Variants in STRADB observed in about 807,000 individuals in gnomAD.
STRADB encodes the protein STE20-related kinase adapter protein beta.
A neutral mutation model predicts 52.1 loss-of-function variants in STRADB; 34 were observed. The ratio of observed to expected loss-of-function variants is 0.65; its 90% CI spans 0.50 to 0.87. The LOEUF (loss-of-function observed/expected upper bound fraction) is 0.87. STRADB is among the 40% of genes least tolerant of loss of function. The pLI is 0.00. For missense variants in STRADB, 340 were observed against 483.9 expected (o/e 0.70, Z 2.79); for synonymous variants, 133 against 174.5 (o/e 0.76, Z 1.87).
Position 201,480,831 on chromosome 2 carries a change from A to G in STRADB, c.*656A>G. 6 of 985,652 alleles carry G rather than the reference A, an allele frequency of 6.1e-6. No homozygotes were observed. Among genetic ancestry groups the G allele is most frequent in the Non-Finnish European group, 7.2e-6 (6 of 829,914 alleles). The allele number at this position is 985,652 out of a possible 1,614,324, so 61.1% of individuals were successfully genotyped here. On this transcript the variant is annotated 3_prime_UTR_variant, in exon 12 of 12. Coordinates refer to ENST00000194530, the MANE Select transcript of STRADB (RefSeq NM_018571.6). ...CACGCACCCCGTGGGAGCTCAATAA[A>G]GATTTACTGAATTGAGTTTATGCTT...
intron 3 of STRADB, chr2:201,460,779 A>C (rs1387407530): frequency 2.7e-6 from 1 of 372,238 alleles, no homozygotes; most frequent in East Asian, 7.8e-5. Context: ...TAGACACTTA[A>C]GTTTCTTCCA....
rs143314300 is a variant in STRADB, at chr2:201,454,764, TGAAAG to T, written c.-73_-69del. The T allele has an allele frequency of 2.6e-3, 3,680 of 1,411,902 alleles. 81 individuals carry two copies. In the African/African-American group the frequency reaches 0.044, roughly 17 times the overall value. The allele number at this position is 1,411,902 out of a possible 1,614,324, so 87.5% of individuals were successfully genotyped here. A position where few individuals can be genotyped will look rare whatever the true frequency, so the allele number is the denominator to read the frequency against. On this transcript the variant is annotated 5_prime_UTR_variant, in exon 2 of 12. Transcript: ENST00000194530. ...TTTATAGTAGGATATATCTGCATCT[TGAAAG>T]GAAGATAAAACAAAAGCCTTCTTTG...
At chr2:201,465,944 C>T (rs1190289189) in intron 3 of STRADB, among the ~76,000 whole-genome samples, 3 of 152,278 alleles carry the variant, frequency 2.0e-5, no homozygotes, top group African/African-American at 4.8e-5. Context: ...CCGGGGGATG[C>T]GGGAGGGGAG....
rs149593792 is a variant in STRADB, at chr2:201,470,155, A to T, written c.193+103A>T. 3.8e-4 allele frequency: 295 copies of T among 784,750 alleles called. 1 individual carries two copies. The African/African-American group carries it at 4.9e-3, about 13-fold the overall frequency. 48.6% of individuals were successfully genotyped at this position (784,750 alleles called of 1,614,324 possible). ...GTGTTTTTCTGTTGTTACCTCCAGC[A>T]TAAAACTAGATGCTAATTGTGTCAG... On this transcript the variant is annotated intron_variant, in intron 4 of 11. Transcript: ENST00000194530.
At chr2:201,453,595 A>T (rs1314710136) in intron 1 of STRADB, among the ~76,000 whole-genome samples, 2 of 152,186 alleles carry the variant, frequency 1.3e-5, no homozygotes, top group Non-Finnish European at 2.9e-5. Context: ...AAAAAGTATG[A>T]ATATTTTCAT....
At chr2:201,474,884 G>T (rs1446925127) in intron 6 of STRADB, 129 bp downstream of exon 6, 5 of 733,912 alleles carry the variant, frequency 6.8e-6, no homozygotes, top group East Asian at 3.1e-5. Flanking sequence ...AGATTTCATG[G>T]TATATTTCTA....
intron 3 of STRADB, chr2:201,460,909 G>GTTT (rs57250433): frequency 2.9e-4 from 40 of 138,478 alleles, no homozygotes; most frequent in South Asian, 6.6e-4. Context: ...TCATATGGTA[G>GTTT]TTTTTTTTTT....
At chr2:201,471,593 C>T (rs1281665667) in intron 4 of STRADB, among the ~76,000 whole-genome samples, 1 of 152,168 alleles carries the variant, frequency 6.6e-6, no homozygotes, top group Non-Finnish European at 1.5e-5. Context: ...TGATTTGAAA[C>T]CAGATCTTTC....
intron 5 of STRADB, among the ~76,000 whole-genome samples, chr2:201,474,042 C>G (rs529208857): frequency 2.0e-5 from 3 of 152,148 alleles, no homozygotes; most frequent in Admixed American, 1.3e-4. Flanking sequence ...AGGCGCCCAC[C>G]ACCACGTCCA....
intron 7 of STRADB, among the ~76,000 whole-genome samples, chr2:201,477,052 GTT>G (rs1221462406): frequency 1.6e-3 from 92 of 57,028 alleles, no homozygotes; most frequent in African/African-American, 6.2e-3. Context: ...AATATTATCA[GTT>G]TTTTTTTTTT....
chr2:201,453,748 AT>A (rs1222826649), intron 1 of STRADB, among the ~76,000 whole-genome samples: 3 of 152,178 alleles, frequency 2.0e-5, no homozygotes, highest in Admixed American at 2.0e-4. Context: ...GATGTAACTC[AT>A]TTGATTTCAT....
chr2:201,472,768 T>A lies in STRADB; in HGVS notation c.194-187T>A, dbSNP rs1212371445. 3 of 469,560 alleles carry A rather than the reference T, an allele frequency of 6.4e-6. No individual in the cohort carries two copies. The East Asian group carries it at 1.2e-4, about 19-fold the overall frequency. 29.1% of individuals were successfully genotyped at this position (469,560 alleles called of 1,614,324 possible). On this transcript the variant is annotated intron_variant, in intron 4 of 11. Coordinates refer to ENST00000194530, the MANE Select transcript of STRADB (RefSeq NM_018571.6). Reference sequence around the variant, plus strand: ...TATCTTATTTTGTGGATTGCCTGTTTAATCCTCTGCCTGTTTTTTAATTGG... The same window carrying A: ...TATCTTATTTTGTGGATTGCCTGTTAAATCCTCTGCCTGTTTTTTAATTGG...
intron 3 of STRADB, among the ~76,000 whole-genome samples, chr2:201,463,348 AG>A (rs1395252565): frequency 1.0e-4 from 15 of 150,270 alleles, no homozygotes; most frequent in African/African-American, 3.4e-4. Context: ...AAAAAAAAAA[AG>A]GTTTTCCTTC....
Position 201,480,146 on chromosome 2 carries a change from G to C in STRADB, c.1228G>C (p.Asp410His). 6.2e-7 allele frequency: 1 copy of C among 1,613,718 alleles called. No individual in the cohort carries two copies. Among genetic ancestry groups the C allele is most frequent in the Non-Finnish European group, 8.5e-7 (1 of 1,179,762 alleles). Residue 410 changes from aspartate to histidine, a missense_variant, in exon 12 of 12, where the codon GAT (aspartate) becomes CAT (histidine). Asp to His is a moderately conservative substitution (Grantham distance 81, BLOSUM62 -1). Coordinates refer to ENST00000194530, the MANE Select transcript of STRADB (RefSeq NM_018571.6). ...GACTGAGCCAGAATGTGATTTTCCT[G>C]ATGAAAAAGACTCATACTGGGAATT... ...PWTEPECDFPDEKDSYWEF is the reference protein window; with the variant it reads ...PWTEPECDFPHEKDSYWEF
intron 6 of STRADB, 84 bp from the exon 7 acceptor site, chr2:201,475,535 T>G (rs1002275878): frequency 2.6e-6 from 4 of 1,541,288 alleles, no homozygotes; most frequent in Non-Finnish European, 3.6e-6. Flanking sequence ...ATGTTTGTGT[T>G]TATGGTTGAA....
intron 4 of STRADB, among the ~76,000 whole-genome samples, chr2:201,470,730 C>G (rs1574289480): frequency 6.6e-6 from 1 of 152,090 alleles, no homozygotes; most frequent in African/African-American, 2.4e-5. Flanking sequence ...GAGCATACAA[C>G]GAACCACCTC....
chr2:201,463,210 G>A (rs771041549), intron 3 of STRADB, among the ~76,000 whole-genome samples: 1 of 151,766 alleles, frequency 6.6e-6, no homozygotes, highest in South Asian at 2.1e-4. Context: ...GGTGGCACAC[G>A]CCTGTAATCC....
intron 3 of STRADB, among the ~76,000 whole-genome samples, chr2:201,467,294 G>A (rs1952319272): frequency 6.6e-6 from 1 of 152,178 alleles, no homozygotes; most frequent in East Asian, 1.9e-4. Flanking sequence ...TCCTTTCGCT[G>A]CAAGCAGACA....
At chr2:201,465,049 G>A (rs1316019629) in intron 3 of STRADB, among the ~76,000 whole-genome samples, 1 of 152,128 alleles carries the variant, frequency 6.6e-6, no homozygotes, top group African/African-American at 2.4e-5. Flanking sequence ...GCCAAGGCCT[G>A]GAATCAGGGA....
Sources: allele counts gnomAD v4.1 joint callset (sites outside exome capture counted in the v4.1 genomes callset), GRCh38; gene constraint gnomAD v4.1.1; transcripts MANE v1.5; gene names NCBI Gene and HGNC (gene_info 2026-07-23, HGNC 2026-07-21).